Variants in TOGARAM2 observed in about 807,000 individuals in gnomAD.
The protein encoded by TOGARAM2 is TOG array regulator of axonemal microtubules 2.
A neutral mutation model predicts 93.3 loss-of-function variants in TOGARAM2; 85 were observed. That is an observed-to-expected ratio of 0.91 (90% CI 0.76 to 1.09). The LOEUF (loss-of-function observed/expected upper bound fraction) is 1.09. Ranked by LOEUF, TOGARAM2 falls within the 50% of genes least tolerant of loss-of-function variation. The pLI is 0.00. For missense variants in TOGARAM2, 1,277 were observed against 1,334.5 expected, an observed-to-expected ratio of 0.96 and a Z score of 0.67; for synonymous variants, 593 against 552.8, an observed-to-expected ratio of 1.07 and a Z score of -1.02.
chr2:28,995,381 G>A (rs1194017636), intron 2 of TOGARAM2, among the ~76,000 whole-genome samples: 4 of 152,230 alleles, frequency 2.6e-5, no homozygotes, highest in Admixed American at 6.5e-5. Flanking sequence ...GATGAAATGG[G>A]TGCTAGCAAG....
chr2:29,024,847 T>C (rs1487145083), intron 13 of TOGARAM2, among the ~76,000 whole-genome samples: 2 of 152,138 alleles, frequency 1.3e-5, no homozygotes, highest in African/African-American at 2.4e-5. Flanking sequence ...TCTGATGAAA[T>C]GTGGGCCAGT....
At chr2:29,037,430 A>T (rs1666185640) in intron 18 of TOGARAM2, among the ~76,000 whole-genome samples, 1 of 152,208 alleles carries the variant, frequency 6.6e-6, no homozygotes, top group Non-Finnish European at 1.5e-5. Flanking sequence ...GCCTTGCTTC[A>T]GTACGAGGAA....
upstream of TOGARAM2, among the ~76,000 whole-genome samples, chr2:28,980,152 T>C (rs563481110): frequency 6.6e-6 from 1 of 152,338 alleles, no homozygotes; most frequent in South Asian, 2.1e-4. Context: ...TCCGTTCGCC[T>C]TGTCAGCTGT....
At chr2:29,006,760 G>A (rs1225347534) in intron 6 of TOGARAM2, among the ~76,000 whole-genome samples, 2 of 151,994 alleles carry the variant, frequency 1.3e-5, no homozygotes, top group African/African-American at 2.4e-5. Flanking sequence ...AGTTTTCACC[G>A]TCAGCCTCCT....
intron 6 of TOGARAM2, among the ~76,000 whole-genome samples, chr2:29,004,728 G>A (rs1415794705): frequency 7.8e-6 from 1 of 128,060 alleles, no homozygotes; most frequent in Non-Finnish European, 1.6e-5. Context: ...GTGTATATGT[G>A]TGAGTGCATG....
At chr2:29,007,324 C>T (rs1374367412) in intron 6 of TOGARAM2, among the ~76,000 whole-genome samples, 4 of 152,160 alleles carry the variant, frequency 2.6e-5, no homozygotes, top group African/African-American at 4.8e-5. Flanking sequence ...AGGACCACCT[C>T]GTGTTTCCCC....
intron 1 of TOGARAM2, among the ~76,000 whole-genome samples, chr2:28,969,358 C>G (rs112098327): frequency 9.2e-5 from 14 of 152,324 alleles, no homozygotes; most frequent in African/African-American, 3.4e-4. Context: ...GAATGTGGGG[C>G]AGCAGTCGTG....
chr2:29,024,079 T>A (rs1665158331), intron 12 of TOGARAM2, 60 bp from the exon 13 acceptor site: 1 of 1,427,204 alleles, frequency 7.0e-7, no homozygotes, highest in Non-Finnish European at 9.6e-7. Flanking sequence ...CCATTTTCCA[T>A]GCGTCCCAGA....
Position 29,033,524 on chromosome 2 carries a change from G to A in TOGARAM2, c.2186G>A (p.Ser729Asn). Residue 729 changes from serine (S) to asparagine (N), a missense_variant, in exon 16 of 20, where the codon AGT becomes AAT. Physicochemically the swap from Ser to Asn is conservative, Grantham distance 46. Transcript: ENST00000379558. ...GCCAAAGGCCGCAAGGTGTTGAGGAGTCTGGTGGTGTGTGAGAACGGGCTG... is the reference window on the plus strand; with the variant it reads ...GCCAAAGGCCGCAAGGTGTTGAGGAATCTGGTGGTGTGTGAGAACGGGCTG... ...PSAKGRKVLRSLVVCENGLPI... is the reference protein window; with the variant it reads ...PSAKGRKVLRNLVVCENGLPI... 3 of 1,613,828 alleles carry A rather than the reference G, an allele frequency of 1.9e-6. No individual in the cohort carries two copies. Among genetic ancestry groups the A allele is most frequent in the Non-Finnish European group, 2.5e-6 (3 of 1,179,858 alleles).
At chr2:28,962,926 G>C (rs1222490336) in intron 1 of TOGARAM2, among the ~76,000 whole-genome samples, 1 of 151,592 alleles carries the variant, frequency 6.6e-6, no homozygotes, top group Non-Finnish European at 1.5e-5. Flanking sequence ...GGGCTCAAGT[G>C]ATCCTCCCAC....
Position 29,005,016 on chromosome 2 carries a change from GTGAGTGCATGTA to G in TOGARAM2, c.830+1337_830+1348del, listed in dbSNP as rs1334425854. Among the ~76,000 whole-genome samples the G allele has an allele frequency of 4.8e-4, 18 of 37,642 alleles. 8 individuals carry two copies. Among genetic ancestry groups the G allele is most frequent in the Admixed American group, 6.9e-4 (2 of 2,896 alleles). 24.7% of individuals were successfully genotyped at this position (37,642 alleles called of 152,430 possible). ...AGTGCATGTGTGTGCATGTGTATGT[GTGAGTGCATGTA>G]TGTGAGTGCATGTGTGTGCATGTGT... On this transcript the variant is annotated intron_variant, in intron 6 of 19. Coordinates refer to ENST00000379558, the MANE Select transcript of TOGARAM2 (RefSeq NM_199280.4).
At chr2:28,964,692 A>G (rs1164933239) in intron 1 of TOGARAM2, among the ~76,000 whole-genome samples, 3 of 121,156 alleles carry the variant, frequency 2.5e-5, no homozygotes, top group African/African-American at 9.8e-5. Context: ...CCCTGTGTCC[A>G]TGTGTTCTCA....
chr2:28,984,812 C>T (rs926070753), intron 1 of TOGARAM2, among the ~76,000 whole-genome samples: 2 of 152,174 alleles, frequency 1.3e-5, no homozygotes, highest in Non-Finnish European at 2.9e-5. Context: ...CCTACCCCTC[C>T]CAAAACCTTA....
At chr2:29,017,456 A>G (rs954860843) in intron 9 of TOGARAM2, among the ~76,000 whole-genome samples, 152 bp downstream of exon 9, 6 of 152,142 alleles carry the variant, frequency 3.9e-5, no homozygotes, top group Non-Finnish European at 8.8e-5. Context: ...GCCCAGGCTA[A>G]AGGGCAGTGA....
intron 19 of TOGARAM2, chr2:29,050,106 C>G (rs980792187): frequency 6.6e-6 from 1 of 152,218 alleles, no homozygotes; most frequent in Non-Finnish European, 1.5e-5. Context: ...GATCCCAGCA[C>G]TTTGGGAGGT....
intron 1 of TOGARAM2, among the ~76,000 whole-genome samples, chr2:28,959,371 T>C (rs980975784): frequency 2.6e-4 from 40 of 152,318 alleles, no homozygotes; most frequent in African/African-American, 9.6e-4. Context: ...AGTTTACATA[T>C]GTCAATGATA....
intron 18 of TOGARAM2, among the ~76,000 whole-genome samples, chr2:29,044,050 C>G (rs1428639548): frequency 4.6e-5 from 7 of 152,162 alleles, no homozygotes; most frequent in Admixed American, 3.3e-4. Flanking sequence ...GTAATAAACA[C>G]TCATACTATT....
chr2:29,011,321 G>T (rs1041633090), intron 6 of TOGARAM2, 134 bp from the exon 7 acceptor site: 2 of 702,540 alleles, frequency 2.8e-6, no homozygotes, highest in African/African-American at 1.9e-5. Context: ...AAGAGCCTCT[G>T]CAGGGATAAC....
At chr2:29,006,094 G>T (rs13016189) in intron 6 of TOGARAM2, among the ~76,000 whole-genome samples, 32,549 of 101,078 alleles carry the variant, frequency 0.32, 3,722 homozygotes, top group Middle Eastern at 0.45. Flanking sequence ...TGTGTGTGTG[G>T]GGTGCATGTG....
Sources: gnomAD v4.1 joint callset for allele counts (sites outside exome capture counted in the v4.1 genomes callset) on GRCh38, gnomAD v4.1.1 for gene constraint, MANE v1.5 for transcripts, NCBI Gene and HGNC (gene_info 2026-07-23, HGNC 2026-07-21) for gene names.